Variants in LRFN5 observed in about 807,000 individuals in gnomAD.
LRFN5 encodes the protein leucine-rich repeat and fibronectin type-III domain-containing protein 5.
In LRFN5, 24 loss-of-function variants were observed where a neutral mutation model predicts 45.6. That is an observed-to-expected ratio of 0.53 (90% CI 0.38 to 0.74). The LOEUF (loss-of-function observed/expected upper bound fraction) is 0.74. Ranked by LOEUF, LRFN5 falls within the 30% of genes least tolerant of loss-of-function variation. The pLI is 0.00. For missense variants in LRFN5, 776 were observed against 861.5 expected, an observed-to-expected ratio of 0.90 and a Z score of 1.24; for synonymous variants, 340 against 313.8, an observed-to-expected ratio of 1.08 and a Z score of -0.88.
At chr14:41,816,557 C>T (rs1566461707) in intron 2 of LRFN5, among the ~76,000 whole-genome samples, 3 of 151,484 alleles carry the variant, frequency 2.0e-5, no homozygotes. Flanking sequence ...GTACAGTATT[C>T]TATGTTTTTT....
At chr14:41,841,290 G>A (rs1888850112) in intron 2 of LRFN5, among the ~76,000 whole-genome samples, 1 of 151,858 alleles carries the variant, frequency 6.6e-6, no homozygotes, top group African/African-American at 2.4e-5. Context: ...GAAATTTCTA[G>A]AATTATACTT....
chr14:41,715,324 A>G lies in LRFN5; in HGVS notation c.-196-51530A>G, dbSNP rs1024418662. Among the ~76,000 whole-genome samples, 3 of 152,190 alleles carry G rather than the reference A, an allele frequency of 2.0e-5. No individual in the cohort carries two copies. In the South Asian group the frequency reaches 6.2e-4, roughly 32 times the overall value. On this transcript the variant is annotated intron_variant, in intron 1 of 5. Coordinates refer to ENST00000298119, the MANE Select transcript of LRFN5 (RefSeq NM_152447.5). ...TTTGTATTGAGTCACCAGAAATTCT[A>G]TCATTTGATCCAATAATGTGGAATG...
At chr14:41,717,954 A>G (rs929682065) in intron 1 of LRFN5, among the ~76,000 whole-genome samples, 3 of 152,148 alleles carry the variant, frequency 2.0e-5, no homozygotes, top group African/African-American at 7.2e-5. Flanking sequence ...TATGGAATAT[A>G]AGTATGCTTC....
chr14:41,798,121 T>A (rs1281952457), intron 2 of LRFN5, among the ~76,000 whole-genome samples: 1 of 151,912 alleles, frequency 6.6e-6, no homozygotes, highest in Non-Finnish European at 1.5e-5. Context: ...AACCCTTCAT[T>A]ACTCACCTTG....
chr14:41,738,633 T>A (rs75287332), intron 1 of LRFN5, among the ~76,000 whole-genome samples: 2,778 of 152,232 alleles, frequency 0.018, 26 homozygotes, highest in Non-Finnish European at 0.03. Context: ...TGCTGAAAAA[T>A]CCAGTGACAG....
intron 1 of LRFN5, among the ~76,000 whole-genome samples, chr14:41,649,710 A>G (rs1220219709): frequency 1.3e-5 from 2 of 152,196 alleles, no homozygotes; most frequent in Non-Finnish European, 2.9e-5. Context: ...GTCTTCAGCA[A>G]GAATCCTGTT....
At chr14:41,765,594 A>C (rs752805011) in intron 1 of LRFN5, among the ~76,000 whole-genome samples, 49 of 152,188 alleles carry the variant, frequency 3.2e-4, no homozygotes, top group Non-Finnish European at 6.8e-4. Context: ...ATATTCATGG[A>C]AGGAAATAAA....
intron 1 of LRFN5, among the ~76,000 whole-genome samples, chr14:41,676,589 T>G (rs1405791261): frequency 2.0e-5 from 3 of 152,040 alleles, no homozygotes; most frequent in Non-Finnish European, 4.4e-5. Context: ...TCCTAGGTTT[T>G]CAGTCAACTC....
In LRFN5 at chr14:41,840,007, A is replaced by C. The variant is rs540993748; in HGVS notation, c.-20-46599A>C. 4.6e-5 allele frequency among the ~76,000 whole-genome samples: 7 copies of C among 152,096 alleles called. No individual in the cohort carries two copies. In the East Asian group the frequency reaches 9.7e-4, roughly 21 times the overall value. On this transcript the variant is annotated intron_variant, in intron 2 of 5. Transcript: ENST00000298119. ...TTCCTCTCTTTTGTTCATCCATATA[A>C]CCCCAATCTGTAAATTTAATTTAAT...
At chr14:41,632,537 AG>A (rs1270409414) in intron 1 of LRFN5, among the ~76,000 whole-genome samples, 155 of 152,244 alleles carry the variant, frequency 1.0e-3, no homozygotes, top group Non-Finnish European at 2.0e-3. Flanking sequence ...CAGGAGGTGG[AG>A]GTTGCCGTGA....
At chr14:41,880,169 T>G (rs1475320312) in intron 2 of LRFN5, among the ~76,000 whole-genome samples, 2 of 151,518 alleles carry the variant, frequency 1.3e-5, no homozygotes, top group South Asian at 4.1e-4. Context: ...CCTCGTGATC[T>G]GCCCGCCTTG....
intron 2 of LRFN5, among the ~76,000 whole-genome samples, chr14:41,812,491 A>G (rs1226477078): frequency 1.3e-5 from 2 of 151,868 alleles, no homozygotes; most frequent in Admixed American, 6.6e-5. Flanking sequence ...GTACCTTCTT[A>G]GTATACTTGG....
intron 2 of LRFN5, among the ~76,000 whole-genome samples, chr14:41,790,347 C>T (rs1010002569): frequency 6.6e-5 from 10 of 151,622 alleles, no homozygotes; most frequent in African/African-American, 7.2e-5. Flanking sequence ...TTACCAGTGA[C>T]GTATAAACTA....
chr14:41,624,530 A>T (rs1478994636), intron 1 of LRFN5, among the ~76,000 whole-genome samples: 1 of 152,172 alleles, frequency 6.6e-6, no homozygotes, highest in Non-Finnish European at 1.5e-5. Context: ...GATTTATTGT[A>T]TGATTCTGCA....
Position 41,712,337 on chromosome 14 carries a change from G to A in LRFN5, c.-196-54517G>A, listed in dbSNP as rs139479743. ...AGCACTTTGGGAGGCTAAGGTAGGAGGATTGTTTGAGGCCAGGAGTTCGAG... is the reference window on the plus strand; with the variant it reads ...AGCACTTTGGGAGGCTAAGGTAGGAAGATTGTTTGAGGCCAGGAGTTCGAG... On this transcript the variant is annotated intron_variant, in intron 1 of 5. Coordinates refer to ENST00000298119, the MANE Select transcript of LRFN5 (RefSeq NM_152447.5). Among the ~76,000 whole-genome samples the A allele has an allele frequency of 1.1e-3, 161 of 152,246 alleles. 1 individual carries two copies. In the East Asian group the frequency reaches 0.029, roughly 28 times the overall value.
chr14:41,698,228 G>A (rs1882696181), intron 1 of LRFN5, among the ~76,000 whole-genome samples: 1 of 151,886 alleles, frequency 6.6e-6, no homozygotes, highest in African/African-American at 2.4e-5. Flanking sequence ...CTTCCTCCTG[G>A]ACTAGATGGT....
At chr14:41,756,015 T>A (rs1036339528) in intron 1 of LRFN5, among the ~76,000 whole-genome samples, 12 of 152,218 alleles carry the variant, frequency 7.9e-5, no homozygotes, top group Admixed American at 5.2e-4. Flanking sequence ...TATTTCTCCT[T>A]CACTTATGAA....
At chr14:41,649,253 C>G (rs1231246747) in intron 1 of LRFN5, among the ~76,000 whole-genome samples, 1 of 150,732 alleles carries the variant, frequency 6.6e-6, no homozygotes, top group East Asian at 2.0e-4. Flanking sequence ...CCCCACCCCC[C>G]AAAAAAAGTA....
intron 1 of LRFN5, among the ~76,000 whole-genome samples, chr14:41,745,259 C>T (rs1422512369): frequency 1.3e-5 from 2 of 151,962 alleles, no homozygotes; most frequent in Non-Finnish European, 2.9e-5. Context: ...AATTAAATAA[C>T]ATATATTTGT....
Sources: allele counts gnomAD v4.1 joint callset (sites outside exome capture counted in the v4.1 genomes callset), GRCh38; gene constraint gnomAD v4.1.1; transcripts MANE v1.5; gene names NCBI Gene and HGNC (gene_info 2026-07-23, HGNC 2026-07-21).